The following HAUS7 variants were observed in gnomAD, a reference collection of about 807,000 sequenced individuals.
HAUS7 encodes the protein HAUS augmin like complex subunit 7, also known as HAUS augmin-like complex subunit 7.
Under a neutral mutation model 28.4 loss-of-function variants are expected in HAUS7, and 3 were observed. The ratio of observed to expected loss-of-function variants is 0.11; its 90% CI spans 0.05 to 0.27. The LOEUF (loss-of-function observed/expected upper bound fraction) is 0.27, where lower values mean the gene tolerates loss of function less well. Among genes scored for constraint, HAUS7 ranks in the 10% least tolerant of loss-of-function variants. The probability of loss-of-function intolerance (pLI) is 1.00; values close to 1 mark genes in which losing one functional copy is unlikely to be tolerated. For missense variants in HAUS7, 284 were observed against 297.3 expected (o/e 0.96, Z 0.33); for synonymous variants, 165 against 132.1 (o/e 1.25, Z -1.71).
At position 153,447,773 on chromosome X, in the gene HAUS7, G is replaced by A. The variant is rs782120903; in HGVS notation, c.*105C>T. On this transcript the variant is annotated 3_prime_UTR_variant, in exon 10 of 10. Transcript: ENST00000370211. Reference sequence around the variant, plus strand: ...CTAGAGCACAACGTGGGGCTGCAACGGCTTCTGCTGCCACAATCATCCATC... The same window carrying A: ...CTAGAGCACAACGTGGGGCTGCAACAGCTTCTGCTGCCACAATCATCCATC... 16 of 681,375 alleles carry A rather than the reference G, an allele frequency of 2.3e-5. No individual in the cohort carries two copies. Among genetic ancestry groups the A allele is most frequent in the African/African-American group, 1.3e-4 (6 of 47,521 alleles). 56.2% of individuals were successfully genotyped at this position (681,375 alleles called of 1,213,427 possible).
intron 1 of HAUS7, among the ~76,000 whole-genome samples, chrX:153,478,798 G>A (rs1413539209): frequency 1.8e-5 from 2 of 112,534 alleles, no homozygotes; most frequent in African/African-American, 6.5e-5. Flanking sequence ...TGCTGCCCAC[G>A]GCAGAAGCCC....
rs2089301021 is a variant in HAUS7 at position 153,455,871 on chromosome X, T to G, written c.706-105A>C. On this transcript the variant is annotated intron_variant, in intron 7 of 9. Coordinates refer to ENST00000370211, the MANE Select transcript of HAUS7 (RefSeq NM_001385482.1). ...CACACCCAGGGCGAGGAAGAAAGCT[T>G]TCAGAAACAGGGACACAGGGGAGCT... 5.9e-6 allele frequency: 3 copies of G among 509,719 alleles called. No individual in the cohort carries two copies. The South Asian group carries it at 8.7e-5, about 15-fold the overall frequency. The allele number at this position is 509,719 out of a possible 1,213,427, so 42.0% of individuals were successfully genotyped here.
At chrX:153,486,622 C>T (rs2089640062) in intron 1 of HAUS7, 1 of 981,111 alleles carries the variant, frequency 1.0e-6, no homozygotes, top group African/African-American at 2.0e-5. Context: ...CCCACCCCTC[C>T]CTTGCAGACA....
At chrX:153,492,433 G>A (rs782514906) in intron 1 of HAUS7, among the ~76,000 whole-genome samples, 206 of 112,109 alleles carry the variant, frequency 1.8e-3, no homozygotes, top group Non-Finnish European at 3.4e-3. Flanking sequence ...TAGCCAGGCC[G>A]AGTGACTCGG....
intron 1 of HAUS7, among the ~76,000 whole-genome samples, chrX:153,490,532 C>T (rs1368352490): frequency 2.7e-5 from 3 of 112,746 alleles, no homozygotes; most frequent in East Asian, 2.8e-4. Context: ...CAGAGGTCCC[C>T]GCTGAGCATG....
intron 9 of HAUS7, among the ~76,000 whole-genome samples, chrX:153,448,464 A>T (rs1353290727): frequency 1.8e-5 from 2 of 109,454 alleles, no homozygotes; most frequent in Non-Finnish European, 3.8e-5. Flanking sequence ...TAATGGGTGC[A>T]GCACACCAAC....
chrX:153,465,121 C>A (rs1221689965), intron 2 of HAUS7, 66 bp from the exon 3 acceptor site: 3 of 746,147 alleles, frequency 4.0e-6, no homozygotes, highest in Admixed American at 4.8e-5. Flanking sequence ...GCCCTCTATA[C>A]GCGCTGGAAG....
intron 9 of HAUS7, among the ~76,000 whole-genome samples, chrX:153,452,113 C>T (rs1556981163): frequency 8.9e-6 from 1 of 112,369 alleles, no homozygotes; most frequent in African/African-American, 3.2e-5. Context: ...GAAGCTTTGG[C>T]AGCCAGAGGA....
At chrX:153,481,726 C>G in intron 1 of HAUS7, 3 of 730,916 alleles carry the variant, frequency 4.1e-6, no homozygotes, top group Non-Finnish European at 4.9e-6. Context: ...ACCCTGGCTC[C>G]CCTGAGCAGC....
At chrX:153,456,155 A>G (rs2089305128) in intron 7 of HAUS7, 110 bp downstream of exon 7, 1 of 577,488 alleles carries the variant, frequency 1.7e-6, no homozygotes, top group Non-Finnish European at 2.9e-6. Flanking sequence ...ATTCTAGAAC[A>G]TGTCAGGCCC....
chrX:153,492,374 G>C (rs1410668493), intron 1 of HAUS7, among the ~76,000 whole-genome samples: 1 of 111,810 alleles, frequency 8.9e-6, no homozygotes, highest in Admixed American at 9.3e-5. Flanking sequence ...TGTCTGGTCT[G>C]GGAGTGGCCC....
chrX:153,480,057 C>T (rs782298399), intron 1 of HAUS7, among the ~76,000 whole-genome samples: 1 of 112,163 alleles, frequency 8.9e-6, no homozygotes, highest in African/African-American at 3.2e-5. Flanking sequence ...CGCAGCGACC[C>T]CTTCATCTCC....
intron 1 of HAUS7, among the ~76,000 whole-genome samples, chrX:153,482,089 A>G (rs62594116): frequency 0.25 from 27,579 of 111,380 alleles, 3,133 homozygotes; most frequent in Middle Eastern, 0.38. Context: ...GGCTTCCACA[A>G]TTTGGTGTGA....
intron 8 of HAUS7, chrX:153,455,208 A>T (rs2089289861): frequency 4.8e-6 from 2 of 420,735 alleles, no homozygotes. Context: ...GCTATTTTGG[A>T]GCGTAACGTG....
chrX:153,466,250 G>A (rs990506162), intron 2 of HAUS7, among the ~76,000 whole-genome samples: 5 of 112,926 alleles, frequency 4.4e-5, no homozygotes, highest in Non-Finnish European at 7.5e-5. Context: ...CACAAGGCTC[G>A]GAGGAGCAGA....
chrX:153,470,966 G>A, upstream of HAUS7: 2 of 333,833 alleles, frequency 6.0e-6, no homozygotes, highest in African/African-American at 2.6e-5. Context: ...ATGATGCGTT[G>A]AAGCGAGGCT....
intron 9 of HAUS7, among the ~76,000 whole-genome samples, chrX:153,453,746 C>A (rs1256739079): frequency 9.0e-6 from 1 of 111,081 alleles, no homozygotes. Context: ...TGGATCCCCA[C>A]CTCACTCCAT....
intron 2 of HAUS7, among the ~76,000 whole-genome samples, chrX:153,466,890 C>T (rs1334021754): frequency 8.9e-6 from 1 of 112,461 alleles, no homozygotes; most frequent in Admixed American, 9.4e-5. Context: ...ATTAGGGACA[C>T]TCGACCAGTA....
chrX:153,454,447 T>C lies in HAUS7; in HGVS notation c.992A>G (p.Lys331Arg). ...TSAKAVETVK[K>R]QQGEQICWGG... Reference sequence around the variant, plus strand: ...CCAGCAGATCTGCTCGCCTTGCTGCTTCTTCACGGTCTCCACGGCCTTCGC... The same window carrying C: ...CCAGCAGATCTGCTCGCCTTGCTGCCTCTTCACGGTCTCCACGGCCTTCGC... The change falls in exon 9 of 10, where the codon AAG (lysine) becomes AGG (arginine). Residue 331 changes from lysine (K) to arginine (R), a missense_variant. Coordinates refer to ENST00000370211, the MANE Select transcript of HAUS7 (RefSeq NM_001385482.1). The C allele has an allele frequency of 8.4e-7, 1 of 1,195,220 alleles. No individual in the cohort carries two copies. Among genetic ancestry groups the C allele is most frequent in the Non-Finnish European group, 1.1e-6 (1 of 885,732 alleles).
Sources: gnomAD v4.1 joint callset for allele counts (sites outside exome capture counted in the v4.1 genomes callset) on GRCh38, gnomAD v4.1.1 for gene constraint, MANE v1.5 for transcripts, NCBI Gene and HGNC (gene_info 2026-07-23, HGNC 2026-07-21) for gene names.